NALF1: variants seen among roughly 807,000 people sequenced by gnomAD.
NALF1 encodes family with sequence similarity 155 member A.
Under a neutral mutation model 48.4 loss-of-function variants are expected in NALF1, and 3 were observed. The ratio of observed to expected loss-of-function variants is 0.06; its 90% CI spans 0.03 to 0.16. The LOEUF is 0.16. Ranked by LOEUF, NALF1 falls within the 10% of genes least tolerant of loss-of-function variation. NALF1 has a pLI of 1.00. For missense variants in NALF1, 526 were observed against 571.5 expected, an observed-to-expected ratio of 0.92 and a Z score of 0.81; for synonymous variants, 262 against 245.7, an observed-to-expected ratio of 1.07 and a Z score of -0.62.
chr13:107,697,698 A>G (rs1881730221), intron 1 of NALF1, among the ~76,000 whole-genome samples: 1 of 152,166 alleles, frequency 6.6e-6, no homozygotes, highest in Admixed American at 6.6e-5. Context: ...CACAATATCT[A>G]CACACAAATA....
chr13:107,824,419 A>G (rs987262979), intron 1 of NALF1, among the ~76,000 whole-genome samples: 1 of 152,162 alleles, frequency 6.6e-6, no homozygotes, highest in Non-Finnish European at 1.5e-5. Flanking sequence ...TTCTCCCCTA[A>G]TTTTCTTAGC....
At chr13:107,374,793 T>C (rs1296491350) in intron 1 of NALF1, among the ~76,000 whole-genome samples, 2 of 152,106 alleles carry the variant, frequency 1.3e-5, no homozygotes, top group Admixed American at 6.6e-5. Context: ...GGGCCCCTCT[T>C]GAACTCTCTC....
intron 1 of NALF1, among the ~76,000 whole-genome samples, chr13:107,662,376 T>C: frequency 6.6e-6 from 1 of 152,188 alleles, no homozygotes; most frequent in Non-Finnish European, 1.5e-5. Context: ...GCCAATAAAG[T>C]ATATCATCTA....
At chr13:107,692,798 T>C (rs1881597024) in intron 1 of NALF1, among the ~76,000 whole-genome samples, 2 of 152,196 alleles carry the variant, frequency 1.3e-5, no homozygotes, top group African/African-American at 4.8e-5. Flanking sequence ...CTCACTATGG[T>C]TGTATGGCTA....
chr13:107,617,894 GA>G (rs1879422372), intron 1 of NALF1, among the ~76,000 whole-genome samples: 1 of 152,068 alleles, frequency 6.6e-6, no homozygotes, highest in Non-Finnish European at 1.5e-5. Flanking sequence ...ACTTCCCCTT[GA>G]AATTTTGCTT....
intron 2 of NALF1, among the ~76,000 whole-genome samples, chr13:107,173,941 A>G (rs1878857851): frequency 6.6e-6 from 1 of 152,156 alleles, no homozygotes; most frequent in Admixed American, 6.5e-5. Flanking sequence ...CTCTGCTTTC[A>G]GGGAATTTGG....
At position 107,482,120 on chromosome 13, in the gene NALF1, C is replaced by T. The variant is rs528787352; in HGVS notation, c.916-271365G>A. On this transcript the variant is annotated intron_variant, in intron 1 of 2. Coordinates refer to ENST00000375915, the MANE Select transcript of NALF1 (RefSeq NM_001080396.3). ...TGGACCTTGGGTAAAGCAGATCACC[C>T]TCCATAATACGAATGGGCCTCATCC... is the stretch of plus-strand genomic sequence containing the variant. Among the ~76,000 whole-genome samples the T allele has an allele frequency of 3.0e-4, 45 of 152,144 alleles. No individual in the cohort carries two copies. The South Asian group carries it at 8.5e-3, about 29-fold the overall frequency.
At chr13:107,688,873 C>T (rs988348884) in intron 1 of NALF1, among the ~76,000 whole-genome samples, 1 of 152,182 alleles carries the variant, frequency 6.6e-6, no homozygotes, top group Non-Finnish European at 1.5e-5. Flanking sequence ...GACCGAAATG[C>T]ATTACCTAAT....
At chr13:107,711,044 C>T (rs987231107) in intron 1 of NALF1, among the ~76,000 whole-genome samples, 1 of 151,978 alleles carries the variant, frequency 6.6e-6, no homozygotes, top group African/African-American at 2.4e-5. Context: ...CAAATAACAT[C>T]GATTTATCCT....
At chr13:107,854,068 T>G (rs1880381722) in intron 1 of NALF1, among the ~76,000 whole-genome samples, 4 of 152,252 alleles carry the variant, frequency 2.6e-5, no homozygotes, top group Admixed American at 6.5e-5. Flanking sequence ...AGATAGGATT[T>G]TATTCACTCA....
At chr13:107,633,820 C>A (rs151124606) in intron 1 of NALF1, among the ~76,000 whole-genome samples, 1 of 143,018 alleles carries the variant, frequency 7.0e-6, no homozygotes, top group Middle Eastern at 3.5e-3. Flanking sequence ...ACATACATAT[C>A]CTGTTTTACC....
At chr13:107,787,476 G>A (rs188916202) in intron 1 of NALF1, among the ~76,000 whole-genome samples, 22 of 152,280 alleles carry the variant, frequency 1.4e-4, no homozygotes, top group South Asian at 6.2e-4. Flanking sequence ...ATGATTCACA[G>A]TTTATGGGTC....
chr13:107,258,585 T>C (rs1284848379), intron 1 of NALF1, among the ~76,000 whole-genome samples: 2 of 152,170 alleles, frequency 1.3e-5, no homozygotes, highest in Non-Finnish European at 2.9e-5. Context: ...GTTATGTATT[T>C]ACCCACAGCT....
At chr13:107,765,080 G>A (rs1445955406) in intron 1 of NALF1, among the ~76,000 whole-genome samples, 1 of 152,062 alleles carries the variant, frequency 6.6e-6, no homozygotes, top group Non-Finnish European at 1.5e-5. Flanking sequence ...AGATATATTT[G>A]TCACTTCTCT....
chr13:107,493,777 T>C (rs777852486), intron 1 of NALF1, among the ~76,000 whole-genome samples: 9 of 152,128 alleles, frequency 5.9e-5, no homozygotes, highest in Non-Finnish European at 1.0e-4. Flanking sequence ...CAGTTCCAGC[T>C]ACTCAGGAGG....
In NALF1 at chr13:107,165,820, T is replaced by C. The variant is rs1878645759; in HGVS notation, c.*4677A>G. 6.6e-6 allele frequency: 1 copy of C among 152,200 alleles called. No homozygotes were observed. The highest frequency in any genetic ancestry group is 2.4e-5 in the African/African-American group (1 of 41,450). The allele number at this position is 152,200 out of a possible 1,614,324, so 9.4% of individuals were successfully genotyped here. On this transcript the variant is annotated 3_prime_UTR_variant, in exon 3 of 3. Coordinates refer to ENST00000375915, the MANE Select transcript of NALF1 (RefSeq NM_001080396.3). ...TTGGAAGATGGAGATTCTGCCTGTT[T>C]CAAAATTGTGATTTATTCATTAATG...
chr13:107,658,818 C>T (rs138045502), intron 1 of NALF1, among the ~76,000 whole-genome samples: 1 of 152,070 alleles, frequency 6.6e-6, no homozygotes, highest in Non-Finnish European at 1.5e-5. Context: ...AATTCAAGTT[C>T]CTCTGCCTTA....
intron 1 of NALF1, among the ~76,000 whole-genome samples, chr13:107,838,314 G>T (rs1879957399): frequency 6.6e-6 from 1 of 152,162 alleles, no homozygotes. Context: ...CCAAGGGGAT[G>T]CTCAAAAACA....
rs193108108 is a variant in NALF1 at position 107,267,213 on chromosome 13, A to G, written c.916-56458T>C. Among the ~76,000 whole-genome samples the G allele has an allele frequency of 7.1e-4, 108 of 152,338 alleles. 1 individual carries two copies. Among genetic ancestry groups the G allele is most frequent in the Non-Finnish European group, 1.3e-3 (87 of 68,040 alleles). On this transcript the variant is annotated intron_variant, in intron 1 of 2. Coordinates refer to ENST00000375915, the MANE Select transcript of NALF1 (RefSeq NM_001080396.3). ...CTCACTGATCACGTATTTGGACCTA[A>G]CAATATGACAGAACCTAGAAATACA...
Sources: allele counts gnomAD v4.1 joint callset (sites outside exome capture counted in the v4.1 genomes callset), GRCh38; gene constraint gnomAD v4.1.1; transcripts MANE v1.5; gene names NCBI Gene and HGNC (gene_info 2026-07-23, HGNC 2026-07-21).